The following TEK variants were observed in gnomAD, a reference collection of about 807,000 sequenced individuals.
TEK encodes the protein angiopoietin-1 receptor.
TEK carries 43 observed loss-of-function variants against 131.8 expected under a neutral mutation model. The ratio of observed to expected loss-of-function variants is 0.33; its 90% confidence interval spans 0.26 to 0.42. The LOEUF is 0.42. Ranked by LOEUF, TEK falls within the 10% of genes least tolerant of loss-of-function variation. The pLI is 1.00. For synonymous variants in TEK, 580 were observed against 491.6 expected, an observed-to-expected ratio of 1.18 and a Z score of -2.38; for missense variants, 1,162 against 1,384.4, an observed-to-expected ratio of 0.84 and a Z score of 2.55.
chr9:27,132,657 G>C lies in TEK; in HGVS notation c.52+23015G>C, dbSNP rs565209249. Among the ~76,000 whole-genome samples the C allele has an allele frequency of 5.3e-5, 8 of 152,278 alleles. No homozygotes were observed. In the South Asian group the frequency reaches 1.4e-3, roughly 28 times the overall value. Reference sequence around the variant, plus strand: ...ACAAAAACTATAAAATGAGAACTCTGAGTTATTTCAAACTATGGCATTTGT... The same window carrying C: ...ACAAAAACTATAAAATGAGAACTCTCAGTTATTTCAAACTATGGCATTTGT... On this transcript the variant is annotated intron_variant, in intron 1 of 22. Transcript: ENST00000380036.
At chr9:27,172,779 G>T in intron 5 of TEK, 32 bp downstream of exon 5, 3 of 1,612,172 alleles carry the variant, frequency 1.9e-6, no homozygotes, top group Non-Finnish European at 2.5e-6. Context: ...GTAAGCTGTG[G>T]ATTTAAAAAG....
At chr9:27,205,921 C>T (rs1251788636) in intron 14 of TEK, among the ~76,000 whole-genome samples, 1 of 152,082 alleles carries the variant, frequency 6.6e-6, no homozygotes, top group Non-Finnish European at 1.5e-5. Flanking sequence ...AGAGCTGGCT[C>T]AATTCAGGCT....
intron 7 of TEK, among the ~76,000 whole-genome samples, chr9:27,181,908 C>CT (rs1257416124): frequency 6.6e-6 from 1 of 152,048 alleles, no homozygotes; most frequent in Admixed American, 6.6e-5. Context: ...CAGCTATGGC[C>CT]TTTTTTTCTG....
intron 12 of TEK, 82 bp downstream of exon 12, chr9:27,197,681 C>T: frequency 1.9e-6 from 3 of 1,547,176 alleles, no homozygotes; most frequent in Non-Finnish European, 1.8e-6. Flanking sequence ...CACTGCAGGA[C>T]TATTGGAAAT....
chr9:27,134,061 A>C (rs1822326540), intron 1 of TEK, among the ~76,000 whole-genome samples: 1 of 152,210 alleles, frequency 6.6e-6, no homozygotes, highest in Non-Finnish European at 1.5e-5. Context: ...TGGAAACCAG[A>C]TAATCATGCT....
chr9:27,138,913 G>T (rs1445313332), intron 1 of TEK, among the ~76,000 whole-genome samples: 1 of 152,032 alleles, frequency 6.6e-6, no homozygotes, highest in Non-Finnish European at 1.5e-5. Context: ...TAGCAGTTTT[G>T]AAAGTAGGAT....
intron 2 of TEK, among the ~76,000 whole-genome samples, chr9:27,163,871 T>A (rs1417531777): frequency 6.6e-6 from 1 of 152,240 alleles, no homozygotes; most frequent in Admixed American, 6.5e-5. Context: ...TCACTTGTTT[T>A]TCATCTGTGT....
intron 2 of TEK, among the ~76,000 whole-genome samples, chr9:27,160,590 T>C (rs897717793): frequency 2.6e-5 from 4 of 152,184 alleles, no homozygotes; most frequent in Non-Finnish European, 4.4e-5. Context: ...TGAGTAGCAG[T>C]TTAGAGTTAG....
At chr9:27,167,477 G>A (rs1314003092) in intron 2 of TEK, among the ~76,000 whole-genome samples, 3 of 152,066 alleles carry the variant, frequency 2.0e-5, no homozygotes, top group Non-Finnish European at 4.4e-5. Context: ...ATCTGTCTAC[G>A]GTGGCATCCC....
intron 21 of TEK, among the ~76,000 whole-genome samples, chr9:27,222,520 T>C (rs1031257332): frequency 1.6e-4 from 25 of 152,078 alleles, no homozygotes; most frequent in African/African-American, 6.0e-4. Context: ...GACCTCTCTG[T>C]AGAAACCCTA....
intron 1 of TEK, among the ~76,000 whole-genome samples, chr9:27,119,356 G>A (rs1214797404): frequency 1.3e-5 from 2 of 152,090 alleles, no homozygotes; most frequent in Non-Finnish European, 2.9e-5. Context: ...GAACAGTGCC[G>A]GCTCATAGTT....
intron 21 of TEK, among the ~76,000 whole-genome samples, chr9:27,221,503 C>T (rs944402118): frequency 8.5e-5 from 13 of 152,074 alleles, no homozygotes; most frequent in Non-Finnish European, 1.8e-4. Context: ...CAGTAGGGGT[C>T]GACAGGACAT....
At chr9:27,109,736 AAC>A in intron 1 of TEK, 94 bp downstream of exon 1, 2 of 1,278,204 alleles carry the variant, frequency 1.6e-6, no homozygotes, top group Non-Finnish European at 2.2e-6. Context: ...AGTGCTGATG[AAC>A]AAGGGGTGGC....
chr9:27,130,610 A>G (rs1822171633), intron 1 of TEK, among the ~76,000 whole-genome samples: 1 of 151,814 alleles, frequency 6.6e-6, no homozygotes, highest in Admixed American at 6.6e-5. Flanking sequence ...AATATGGTAA[A>G]TAAAAGATTA....
chr9:27,141,002 C>T (rs1019860618), intron 1 of TEK, among the ~76,000 whole-genome samples: 1 of 151,776 alleles, frequency 6.6e-6, no homozygotes, highest in African/African-American at 2.4e-5. Context: ...TCGTTAAGTT[C>T]TCTGCCTATC....
At chr9:27,182,505 A>T (rs917182412) in intron 7 of TEK, among the ~76,000 whole-genome samples, 16 of 152,056 alleles carry the variant, frequency 1.1e-4, no homozygotes, top group Non-Finnish European at 2.4e-4. Flanking sequence ...ACCTTTACCC[A>T]TTTCATTCTA....
intron 1 of TEK, among the ~76,000 whole-genome samples, chr9:27,130,897 C>T (rs1822189052): frequency 6.6e-6 from 1 of 151,632 alleles, no homozygotes; most frequent in South Asian, 2.1e-4. Context: ...CAAAACAAAA[C>T]CTCATTGAAA....
At chr9:27,126,157 G>A (rs1306327606) in intron 1 of TEK, among the ~76,000 whole-genome samples, 1 of 152,142 alleles carries the variant, frequency 6.6e-6, no homozygotes, top group Non-Finnish European at 1.5e-5. Flanking sequence ...TTGGTGTAAA[G>A]ACAAACCATT....
chr9:27,185,556 C>T lies in TEK; in HGVS notation c.1254C>T (p.Asp418=). The change falls in exon 9 of 23, where the codon GAC becomes GAT. Residue 418 remains aspartate (D), a synonymous_variant. Transcript: ENST00000380036. ...IFTIHRILPP[D]SGVWVCSVNT... The stretch of plus-strand genomic sequence containing the variant: ...CCATCCACCGGATCCTCCCCCCTGA[C>T]TCAGGAGTTTGGGTCTGCAGTGTGA... 1 of 1,613,850 alleles carries T rather than the reference C, an allele frequency of 6.2e-7. No homozygotes were observed. The highest frequency in any genetic ancestry group is 2.2e-5 in the East Asian group (1 of 44,870).
Sources: allele counts gnomAD v4.1 joint callset (sites outside exome capture counted in the v4.1 genomes callset), GRCh38; gene constraint gnomAD v4.1.1; transcripts MANE v1.5; gene names NCBI Gene and HGNC (gene_info 2026-07-23, HGNC 2026-07-21).